ITPR2: variants seen among roughly 807,000 people sequenced by gnomAD.
The protein encoded by ITPR2 is inositol 1,4,5-trisphosphate receptor type 2, also known as inositol 1,4,5-trisphosphate-gated calcium channel ITPR2.
In ITPR2, 207 loss-of-function variants were observed where a neutral mutation model predicts 317.1. The ratio of observed to expected loss-of-function variants is 0.65; its 90% CI spans 0.58 to 0.73. The LOEUF (loss-of-function observed/expected upper bound fraction) is 0.73, where lower values mean the gene tolerates loss of function less well. ITPR2 is among the 30% of genes least tolerant of loss of function. The pLI is 0.00. For synonymous variants in ITPR2, 1,156 were observed against 1,149.1 expected (o/e 1.01, Z -0.12); for missense variants, 2,613 against 3,284.0 (o/e 0.80, Z 4.99).
At chr12:26,695,821 T>C (rs567896289) in intron 9 of ITPR2, among the ~76,000 whole-genome samples, 171 bp from the exon 10 acceptor site, 16 of 152,296 alleles carry the variant, frequency 1.1e-4, no homozygotes, top group Non-Finnish European at 2.1e-4. Context: ...CATCAAACCC[T>C]AGTTGCAGGA....
chr12:26,748,074 T>G (rs1005777212), intron 2 of ITPR2, among the ~76,000 whole-genome samples: 4 of 152,196 alleles, frequency 2.6e-5, no homozygotes, highest in Admixed American at 2.6e-4. Context: ...GTTTTGTTTT[T>G]TTGAGATGGA....
chr12:26,725,616 G>T, intron 3 of ITPR2, 34 bp downstream of exon 3: 1 of 1,425,088 alleles, frequency 7.0e-7, no homozygotes, highest in Non-Finnish European at 9.9e-7. Flanking sequence ...TACTTGGTTA[G>T]CCTAAGCCAG....
chr12:26,832,666 G>A (rs1257739779), intron 1 of ITPR2, 24 bp downstream of exon 1: 4 of 1,561,414 alleles, frequency 2.6e-6, no homozygotes, highest in East Asian at 4.9e-5. Flanking sequence ...CGCGAGCGCT[G>A]CCCAGCCCTC....
intron 45 of ITPR2, among the ~76,000 whole-genome samples, chr12:26,461,951 CTTT>C (rs76756814): frequency 3.8e-5 from 5 of 130,656 alleles, no homozygotes; most frequent in Non-Finnish European, 1.7e-5. Context: ...CGAAGCCTGA[CTTT>C]TTTTTTTTTT....
At chr12:26,799,755 G>A (rs1006182873) in intron 1 of ITPR2, among the ~76,000 whole-genome samples, 4 of 152,174 alleles carry the variant, frequency 2.6e-5, no homozygotes, top group Non-Finnish European at 2.9e-5. Context: ...AGTTTGTGAA[G>A]CATTTTGTCT....
At chr12:26,591,370 G>A (rs145230804) in intron 32 of ITPR2, among the ~76,000 whole-genome samples, 1,701 of 152,218 alleles carry the variant, frequency 0.011, 30 homozygotes, top group African/African-American at 0.035. Context: ...AATGCAAATC[G>A]AAACTACAAT....
At chr12:26,720,174 G>C (rs1948810099) in intron 5 of ITPR2, among the ~76,000 whole-genome samples, 1 of 152,108 alleles carries the variant, frequency 6.6e-6, no homozygotes, top group African/African-American at 2.4e-5. Flanking sequence ...TTGCCCTTAA[G>C]TAATAGGAAC....
In ITPR2 at chr12:26,786,747, C is replaced by A. The variant is rs1000796182; in HGVS notation, c.163+3410G>T. ...CTAGATTTACTTTTAATTGCCTACC[C>A]GCTCTAAAATGTTATGATTCACTTG... On this transcript the variant is annotated intron_variant, in intron 2 of 56. Transcript: ENST00000381340. Among the ~76,000 whole-genome samples the A allele has an allele frequency of 1.3e-5, 2 of 152,234 alleles. 1 individual carries two copies. The highest frequency in any genetic ancestry group is 4.2e-4 in the South Asian group (2 of 4,812).
At chr12:26,796,004 G>C (rs1446228846) in intron 1 of ITPR2, among the ~76,000 whole-genome samples, 2 of 143,058 alleles carry the variant, frequency 1.4e-5, no homozygotes, top group African/African-American at 2.5e-5. Flanking sequence ...AAAAAAGGGG[G>C]GGGGGGCAAC....
chr12:26,475,809 G>C (rs1231063340), intron 44 of ITPR2, among the ~76,000 whole-genome samples: 1 of 152,172 alleles, frequency 6.6e-6, no homozygotes, highest in Non-Finnish European at 1.5e-5. Context: ...TTACTCTCCA[G>C]TGGGAGAGTC....
At chr12:26,772,470 T>TA (rs1555189219) in intron 2 of ITPR2, among the ~76,000 whole-genome samples, 1 of 101,190 alleles carries the variant, frequency 9.9e-6, no homozygotes, top group Non-Finnish European at 2.2e-5. Flanking sequence ...AATACATGTA[T>TA]TATATATAAT....
At chr12:26,721,204 G>GT in intron 5 of ITPR2, 2 of 410,134 alleles carry the variant, frequency 4.9e-6, no homozygotes, top group Non-Finnish European at 8.7e-6. Flanking sequence ...AAAAAAGTAG[G>GT]GTTTTTTTTT....
chr12:26,372,251 G>A (rs1939208526), intron 55 of ITPR2, among the ~76,000 whole-genome samples: 1 of 151,962 alleles, frequency 6.6e-6, no homozygotes, highest in African/African-American at 2.4e-5. Context: ...TCCTTTATTT[G>A]TGCTCTCCTG....
intron 50 of ITPR2, among the ~76,000 whole-genome samples, chr12:26,415,772 G>T (rs923494251): frequency 6.6e-6 from 1 of 152,100 alleles, no homozygotes; most frequent in African/African-American, 2.4e-5. Flanking sequence ...AAACATTACA[G>T]AAATAGCTTA....
intron 45 of ITPR2, among the ~76,000 whole-genome samples, chr12:26,473,201 T>G (rs1307661307): frequency 3.9e-5 from 6 of 152,212 alleles, no homozygotes; most frequent in African/African-American, 1.2e-4. Flanking sequence ...TCCTCTACTT[T>G]TATGCTTAGT....
Position 26,713,705 on chromosome 12 carries a change from T to A in ITPR2, c.855+1594A>T, listed in dbSNP as rs180951304. Among the ~76,000 whole-genome samples the A allele has an allele frequency of 9.2e-4, 140 of 152,330 alleles. 1 individual carries two copies. Among genetic ancestry groups the A allele is most frequent in the African/African-American group, 3.0e-3 (123 of 41,574 alleles). ...CCAATATTAAATAAGCAGAGACACA[T>A]CAAATGCAGGTAACTCACTGTATTT... On this transcript the variant is annotated intron_variant, in intron 8 of 56. Coordinates refer to ENST00000381340, the MANE Select transcript of ITPR2 (RefSeq NM_002223.4).
At chr12:26,786,449 T>TAAAA (rs59014121) in intron 2 of ITPR2, among the ~76,000 whole-genome samples, 50 of 119,206 alleles carry the variant, frequency 4.2e-4, no homozygotes, top group South Asian at 8.0e-4. Context: ...GAATGATCAA[T>TAAAA]AAAAAAAAAA....
intron 51 of ITPR2, among the ~76,000 whole-genome samples, chr12:26,412,332 C>G (rs1940576007): frequency 6.6e-6 from 1 of 151,938 alleles, no homozygotes; most frequent in Admixed American, 6.6e-5. Flanking sequence ...GGTTGCCAGC[C>G]ACACAAACAC....
chr12:26,600,147 T>C (rs780051030), intron 28 of ITPR2, 38 bp from the exon 29 acceptor site: 4 of 1,569,858 alleles, frequency 2.5e-6, no homozygotes, highest in Admixed American at 1.7e-5. Context: ...GAAACAAACA[T>C]AGGAGACAGC....
Sources: allele counts gnomAD v4.1 joint callset (sites outside exome capture counted in the v4.1 genomes callset), GRCh38; gene constraint gnomAD v4.1.1; transcripts MANE v1.5; gene names NCBI Gene and HGNC (gene_info 2026-07-23, HGNC 2026-07-21).